The following ZCCHC14 variants were observed in gnomAD, a reference collection of about 807,000 sequenced individuals.
The protein encoded by ZCCHC14 is zinc finger CCHC domain-containing protein 14.
Under a neutral mutation model 85.0 loss-of-function variants are expected in ZCCHC14, and 16 were observed. That is an observed-to-expected ratio of 0.19 (90% CI 0.13 to 0.29). ZCCHC14 has a LOEUF of 0.29. Among genes scored for constraint, ZCCHC14 ranks in the 10% least tolerant of loss-of-function variants. ZCCHC14 has a pLI of 1.00. For missense variants in ZCCHC14, 1,303 were observed against 1,443.5 expected (o/e 0.90, Z 1.58); for synonymous variants, 775 against 630.7 (o/e 1.23, Z -3.43).
chr16:87,467,495 T>C (rs1484871357), intron 1 of ZCCHC14: 1 of 1,606,644 alleles, frequency 6.2e-7, no homozygotes, highest in Non-Finnish European at 8.5e-7. Context: ...TGTACCACTA[T>C]GACATGAATA....
intron 7 of ZCCHC14, among the ~76,000 whole-genome samples, chr16:87,418,586 G>C (rs938258293): frequency 6.6e-6 from 1 of 152,170 alleles, no homozygotes; most frequent in African/African-American, 2.4e-5. Flanking sequence ...CCAGATTCTC[G>C]GAAATTCTGA....
At chr16:87,472,902 G>A (rs1947254786) in intron 1 of ZCCHC14, 1 of 152,082 alleles carries the variant, frequency 6.6e-6, no homozygotes, top group Non-Finnish European at 1.5e-5. Flanking sequence ...TTGTACAGAT[G>A]GGGGTCTCCC....
chr16:87,460,385 A>G (rs897270081), intron 1 of ZCCHC14, among the ~76,000 whole-genome samples: 2 of 152,176 alleles, frequency 1.3e-5, no homozygotes, highest in African/African-American at 2.4e-5. Flanking sequence ...CATCGGGTGC[A>G]CAGAAACTAT....
At chr16:87,466,129 T>C (rs1391904950) in intron 1 of ZCCHC14, among the ~76,000 whole-genome samples, 5 of 148,516 alleles carry the variant, frequency 3.4e-5, no homozygotes, top group African/African-American at 5.1e-5. Flanking sequence ...ATTTACGCTT[T>C]TTTTTAAAAA....
chr16:87,465,540 C>G (rs1334025621), intron 1 of ZCCHC14, among the ~76,000 whole-genome samples: 1 of 152,200 alleles, frequency 6.6e-6, no homozygotes, highest in Non-Finnish European at 1.5e-5. Context: ...TCCACAGTGG[C>G]CACACATCTA....
At chr16:87,467,665 C>T (rs1203044624) in intron 1 of ZCCHC14, 2 of 888,628 alleles carry the variant, frequency 2.3e-6, no homozygotes, top group African/African-American at 1.7e-5. Context: ...GTTTCTTTTT[C>T]TTTTGAGATG....
intron 1 of ZCCHC14, among the ~76,000 whole-genome samples, chr16:87,476,972 A>C (rs1912035297): frequency 6.6e-6 from 1 of 151,846 alleles, no homozygotes; most frequent in Non-Finnish European, 1.5e-5. Context: ...TAAAAATACA[A>C]AAATTAGCCG....
chr16:87,410,716 G>A (rs927828798), intron 12 of ZCCHC14, among the ~76,000 whole-genome samples: 1 of 152,192 alleles, frequency 6.6e-6, no homozygotes, highest in African/African-American at 2.4e-5. Context: ...GGAGGCACAG[G>A]CCCACCCGGG....
In ZCCHC14 at chr16:87,476,263, G is replaced by A. The variant is rs555586819; in HGVS notation, c.570+15406C>T. On this transcript the variant is annotated intron_variant, in intron 1 of 12. Coordinates refer to ENST00000671377, the MANE Select transcript of ZCCHC14 (RefSeq NM_015144.3). Reference sequence around the variant, plus strand: ...AAAGGATATGGTAACAAACTGGATCGGTAAGGAATGAAAAGCACCAAAATG... The same window carrying A: ...AAAGGATATGGTAACAAACTGGATCAGTAAGGAATGAAAAGCACCAAAATG... Among the ~76,000 whole-genome samples, 13 of 152,278 alleles carry A rather than the reference G, an allele frequency of 8.5e-5. No individual in the cohort carries two copies. The South Asian group carries it at 2.3e-3, about 27-fold the overall frequency.
In ZCCHC14 at chr16:87,411,766, G is replaced by A. The variant is rs138168317; in HGVS notation, c.2955C>T (p.Pro985=). ...TGCTGCTGTAAGGGGCGTGCACGAC[G>A]GGGAAGGTGGAGCCGCCGCCGTACT... ...AQQYGGGSTF[P]VVHAPYSSSG... The change falls in exon 12 of 13, where the codon CCC becomes CCT. Residue 985 remains proline, a synonymous_variant. Transcript: ENST00000671377. The A allele has an allele frequency of 1.2e-4, 199 of 1,611,966 alleles. No homozygotes were observed. The African/African-American group carries it at 1.6e-3, about 13-fold the overall frequency.
At chr16:87,469,730 A>G (rs1197756384) in intron 1 of ZCCHC14, among the ~76,000 whole-genome samples, 1 of 152,108 alleles carries the variant, frequency 6.6e-6, no homozygotes. Flanking sequence ...CTCTGGGAGG[A>G]TCCAGGAGGG....
rs181022008 is a variant in ZCCHC14 at position 87,433,106 on chromosome 16, G to C, written c.768+22C>G. ...TCTTCCTAGCCTTCCAGGAGAGAGG[G>C]GAAAAAAACTTAGCATCTTACCTCA... On this transcript the variant is annotated intron_variant, in intron 3 of 12. Coordinates refer to ENST00000671377, the MANE Select transcript of ZCCHC14 (RefSeq NM_015144.3). 138 of 1,612,376 alleles carry C rather than the reference G, an allele frequency of 8.6e-5. No individual in the cohort carries two copies. The Admixed American group carries it at 1.8e-3, about 21-fold the overall frequency.
rs2150716390 is a variant in ZCCHC14, at chr16:87,407,448, TGTCA to T, written c.*2828_*2831del. 6.6e-6 allele frequency: 1 copy of T among 152,354 alleles called. No individual in the cohort carries two copies. The highest frequency in any genetic ancestry group is 1.5e-5 in the Non-Finnish European group (1 of 68,032). The allele number at this position is 152,354 out of a possible 1,614,324, so 9.4% of individuals were successfully genotyped here. ...AGTTTTTATGTTAAACACTTCCAAC[TGTCA>T]GTATTACCATGAAATCAACATTAGA... On this transcript the variant is annotated 3_prime_UTR_variant, in exon 13 of 13. Coordinates refer to ENST00000671377, the MANE Select transcript of ZCCHC14 (RefSeq NM_015144.3).
At chr16:87,445,783 G>C (rs1910407961) in intron 2 of ZCCHC14, among the ~76,000 whole-genome samples, 2 of 152,154 alleles carry the variant, frequency 1.3e-5, no homozygotes, top group Non-Finnish European at 2.9e-5. Flanking sequence ...CATTTTTCCA[G>C]AACAGGGTTG....
chr16:87,477,628 CCT>C (rs1021390233), intron 1 of ZCCHC14, among the ~76,000 whole-genome samples: 2 of 152,206 alleles, frequency 1.3e-5, no homozygotes, highest in African/African-American at 2.4e-5. Flanking sequence ...ATACTTAACC[CCT>C]CTGTGTCTGT....
In ZCCHC14 at chr16:87,491,856, G is replaced by A. The variant is rs774318429; in HGVS notation, c.383C>T (p.Thr128Met). Reference protein sequence around the residue: ...NYGLQLNEGRTGDEFLLLFTM... With the variant: ...NYGLQLNEGRMGDEFLLLFTM... ...GAACAGCAGCAGGAACTCATCGCCC[G>A]TGCGGCCCTCGTTAAGCTGCAGCCC... Residue 128 changes from threonine to methionine, a missense_variant, in exon 1 of 13, where the codon ACG becomes ATG. Physicochemically the swap from Thr to Met is moderately conservative, Grantham distance 81. This residue lies in a region of ZCCHC14 where 389 missense variants were observed against 397.8 expected (regional missense o/e 0.98). Coordinates refer to ENST00000671377, the MANE Select transcript of ZCCHC14 (RefSeq NM_015144.3). The surrounding 1 kb of genome is among the most constrained non-coding windows in gnomAD (Gnocchi z 5.9). 2 of 1,563,962 alleles carry A rather than the reference G, an allele frequency of 1.3e-6. No homozygotes were observed. The highest frequency in any genetic ancestry group is 1.7e-6 in the Non-Finnish European group (2 of 1,162,002).
chr16:87,467,031 G>GAA (rs11313581), intron 1 of ZCCHC14: 133 of 332,740 alleles, frequency 4.0e-4, no homozygotes, highest in African/African-American at 2.3e-3. Flanking sequence ...TGTTTTTCAT[G>GAA]AAAAAAAAAA....
At chr16:87,480,716 A>G (rs897518861) in intron 1 of ZCCHC14, among the ~76,000 whole-genome samples, 3 of 152,226 alleles carry the variant, frequency 2.0e-5, no homozygotes, top group Admixed American at 1.3e-4. Context: ...TAGTGATTTA[A>G]AAAGTCAGTC....
chr16:87,414,851 C>T lies in ZCCHC14; in HGVS notation c.1476-310G>A, dbSNP rs148091265. On this transcript the variant is annotated intron_variant, in intron 9 of 12. Transcript: ENST00000671377. ...ATCCCAGCACTTTGGGAGGCCCAGG[C>T]GGGCAGATCGCCTGAGGTCCAGAGT... Among the ~76,000 whole-genome samples the T allele has an allele frequency of 4.5e-3, 690 of 152,336 alleles. 4 individuals carry two copies. Among genetic ancestry groups the T allele is most frequent in the African/African-American group, 0.015 (629 of 41,586 alleles).
Sources: gnomAD v4.1 joint callset for allele counts (sites outside exome capture counted in the v4.1 genomes callset) on GRCh38, gnomAD v4.1.1 for gene constraint, gnomAD v4.1.1 regional missense constraint, Gnocchi (gnomAD v3.1) non-coding constraint, MANE v1.5 for transcripts, NCBI Gene and HGNC (gene_info 2026-07-23, HGNC 2026-07-21) for gene names.